Variants in MAST4 observed in about 807,000 individuals in gnomAD.
The protein encoded by MAST4 is microtubule-associated serine/threonine-protein kinase 4.
Under a neutral mutation model 162.7 loss-of-function variants are expected in MAST4, and 89 were observed. The ratio of observed to expected loss-of-function variants is 0.55; its 90% CI spans 0.46 to 0.65. MAST4 has a LOEUF of 0.65. Among genes scored for constraint, MAST4 ranks in the 30% least tolerant of loss-of-function variants. The pLI, the probability that MAST4 is intolerant of heterozygous loss-of-function variation, is 0.00. For synonymous variants in MAST4, 1,479 were observed against 1,361.1 expected (o/e 1.09, Z -1.91); for missense variants, 3,153 against 3,374.0 (o/e 0.93, Z 1.62).
rs544246398 is a variant in MAST4 at position 67,072,218 on chromosome 5, G to A, written c.763+17726G>A. Among the ~76,000 whole-genome samples, 3 of 152,286 alleles carry A rather than the reference G, an allele frequency of 2.0e-5. No homozygotes were observed. In the East Asian group the frequency reaches 5.8e-4, roughly 29 times the overall value. On this transcript the variant is annotated intron_variant, in intron 5 of 28. Coordinates refer to ENST00000403625, the MANE Select transcript of MAST4 (RefSeq NM_001164664.2). ...AAATGTGAAAAGTTGGTAGAACAGT[G>A]TAAGAATTATTTACTGTGAATTTTT...
At chr5:66,919,099 AACACACACAC>A (rs56340246) in intron 4 of MAST4, among the ~76,000 whole-genome samples, 167 of 142,302 alleles carry the variant, frequency 1.2e-3, no homozygotes, top group Middle Eastern at 0.011. Flanking sequence ...CGAGACTCTC[AACACACACAC>A]ACACACACAC....
intron 4 of MAST4, among the ~76,000 whole-genome samples, chr5:66,944,047 G>C (rs755228231): frequency 6.6e-6 from 1 of 152,052 alleles, no homozygotes; most frequent in Non-Finnish European, 1.5e-5. Flanking sequence ...TAGAGTTGAC[G>C]TGTAAAATTC....
chr5:67,137,600 A>G (rs1769827441), intron 19 of MAST4, among the ~76,000 whole-genome samples: 1 of 152,214 alleles, frequency 6.6e-6, no homozygotes, highest in Non-Finnish European at 1.5e-5. Context: ...TTTATTGTAT[A>G]GTATTCTCCA....
At chr5:66,742,385 C>G (rs945809440) in intron 1 of MAST4, among the ~76,000 whole-genome samples, 2 of 152,184 alleles carry the variant, frequency 1.3e-5, no homozygotes, top group East Asian at 3.9e-4. Flanking sequence ...GGAAAGGAAA[C>G]AGAATTGCTA....
At chr5:67,145,417 C>T in intron 23 of MAST4, 38 bp downstream of exon 23, 1 of 1,566,668 alleles carries the variant, frequency 6.4e-7, no homozygotes, top group Non-Finnish European at 8.8e-7. Context: ...TCCTCCTCAC[C>T]ACACTAAGTG....
intron 4 of MAST4, among the ~76,000 whole-genome samples, chr5:67,023,035 A>G (rs1469705761): frequency 6.6e-6 from 1 of 152,174 alleles, no homozygotes; most frequent in Non-Finnish European, 1.5e-5. Flanking sequence ...ATGGCATGTG[A>G]AGTTTGTGGG....
At chr5:66,896,188 C>CACGG (rs1190515463) in intron 3 of MAST4, among the ~76,000 whole-genome samples, 2 of 152,104 alleles carry the variant, frequency 1.3e-5, no homozygotes, top group Non-Finnish European at 1.5e-5. Context: ...CTTTAAGGAG[C>CACGG]ACGGGTCAGA....
At chr5:66,925,297 C>T (rs1013307630) in intron 4 of MAST4, among the ~76,000 whole-genome samples, 3 of 152,124 alleles carry the variant, frequency 2.0e-5, no homozygotes, top group Admixed American at 6.5e-5. Context: ...GTTTAAGGTA[C>T]TGAGGCATTT....
chr5:67,129,711 A>G (rs1048425818), intron 14 of MAST4, among the ~76,000 whole-genome samples: 8 of 146,182 alleles, frequency 5.5e-5, no homozygotes, highest in African/African-American at 2.0e-4. Flanking sequence ...GCGACAGAGC[A>G]AGACTCCATC....
chr5:66,640,901 T>C (rs1745449915), intron 1 of MAST4, among the ~76,000 whole-genome samples: 1 of 152,188 alleles, frequency 6.6e-6, no homozygotes, highest in Non-Finnish European at 1.5e-5. Flanking sequence ...TGTCTCTTGG[T>C]GTTTTTGATA....
intron 1 of MAST4, among the ~76,000 whole-genome samples, chr5:66,732,924 A>G (rs1047976434): frequency 6.6e-6 from 1 of 152,132 alleles, no homozygotes; most frequent in African/African-American, 2.4e-5. Context: ...AGATATGAGA[A>G]TTATTTTTTC....
At chr5:67,064,530 CCT>C (rs1275889986) in intron 5 of MAST4, among the ~76,000 whole-genome samples, 1 of 152,196 alleles carries the variant, frequency 6.6e-6, no homozygotes, top group Non-Finnish European at 1.5e-5. Context: ...ACCACAAAGC[CCT>C]GTACATCATA....
intron 1 of MAST4, among the ~76,000 whole-genome samples, chr5:66,730,083 C>A (rs942663994): frequency 1.3e-5 from 2 of 152,000 alleles, no homozygotes; most frequent in Non-Finnish European, 2.9e-5. Flanking sequence ...AAGTATAGAT[C>A]TGGTGGATGT....
intron 1 of MAST4, among the ~76,000 whole-genome samples, chr5:66,718,851 G>C (rs1185856661): frequency 6.6e-6 from 1 of 152,140 alleles, no homozygotes; most frequent in Admixed American, 6.5e-5. Flanking sequence ...TTGACTTCGA[G>C]TATAGTTTGT....
At chr5:66,766,063 C>T (rs367587648) in intron 2 of MAST4, among the ~76,000 whole-genome samples, 1 of 152,150 alleles carries the variant, frequency 6.6e-6, no homozygotes, top group African/African-American at 2.4e-5. Context: ...TATAGAGACC[C>T]TTAAGTCTGG....
intron 3 of MAST4, among the ~76,000 whole-genome samples, chr5:66,810,615 A>G (rs952146818): frequency 6.6e-5 from 10 of 152,178 alleles, no homozygotes; most frequent in Admixed American, 2.6e-4. Context: ...CAAAAGCATG[A>G]ATAGGAGTGC....
intron 3 of MAST4, among the ~76,000 whole-genome samples, chr5:66,817,996 G>C (rs546990030): frequency 6.6e-6 from 1 of 152,110 alleles, no homozygotes; most frequent in East Asian, 1.9e-4. Context: ...TCATTTTTTG[G>C]AAGAGTGCTG....
At chr5:67,063,874 C>A (rs924833138) in intron 5 of MAST4, among the ~76,000 whole-genome samples, 1 of 152,058 alleles carries the variant, frequency 6.6e-6, no homozygotes, top group Non-Finnish European at 1.5e-5. Context: ...CAGAGTTGAT[C>A]AAAGGTGACT....
At chr5:66,752,191 T>C (rs1322012786) in intron 1 of MAST4, among the ~76,000 whole-genome samples, 1 of 152,192 alleles carries the variant, frequency 6.6e-6, no homozygotes, top group Non-Finnish European at 1.5e-5. Context: ...TGCAAAATCA[T>C]GGCAAAATGT....
Sources: allele counts gnomAD v4.1 joint callset (sites outside exome capture counted in the v4.1 genomes callset), GRCh38; gene constraint gnomAD v4.1.1; transcripts MANE v1.5; gene names NCBI Gene and HGNC (gene_info 2026-07-23, HGNC 2026-07-21).